The following GTF2F2 variants were observed in gnomAD, a reference collection of about 807,000 sequenced individuals.
The protein encoded by GTF2F2 is ATP-dependent helicase GTF2F2.
GTF2F2 carries 23 observed loss-of-function variants against 42.2 expected under a neutral mutation model. The ratio of observed to expected loss-of-function variants is 0.55; its 90% CI spans 0.39 to 0.77. The LOEUF (loss-of-function observed/expected upper bound fraction) is 0.77, where lower values mean the gene tolerates loss of function less well. Ranked by LOEUF, GTF2F2 falls within the 30% of genes least tolerant of loss-of-function variation. The probability of loss-of-function intolerance (pLI) is 0.00; values close to 1 mark genes in which losing one functional copy is unlikely to be tolerated. For synonymous variants in GTF2F2, 105 were observed against 100.8 expected, an observed-to-expected ratio of 1.04 and a Z score of -0.25; for missense variants, 261 against 287.2, an observed-to-expected ratio of 0.91 and a Z score of 0.66.
chr13:45,262,274 T>C (rs1479425805), intron 6 of GTF2F2, among the ~76,000 whole-genome samples: 1 of 152,122 alleles, frequency 6.6e-6, no homozygotes, highest in Non-Finnish European at 1.5e-5. Context: ...CTTGGGAGGC[T>C]GAGGCAGGAG....
In GTF2F2 at chr13:45,190,017, T is replaced by C. The variant is rs187497344; in HGVS notation, c.305-17407T>C. 1.7e-3 allele frequency among the ~76,000 whole-genome samples: 260 copies of C among 152,180 alleles called. 1 individual carries two copies. The highest frequency in any genetic ancestry group is 5.9e-3 in the African/African-American group (247 of 41,520). The stretch of plus-strand genomic sequence containing the variant: ...CCAAAATAGACAAATGGGATCTAAT[T>C]AAAGAGCTTCTGCACAGCAAAAGAA... On this transcript the variant is annotated intron_variant, in intron 4 of 7. Coordinates refer to ENST00000340473, the MANE Select transcript of GTF2F2 (RefSeq NM_004128.3).
intron 4 of GTF2F2, among the ~76,000 whole-genome samples, chr13:45,191,691 G>A (rs1872664607): frequency 6.6e-6 from 1 of 152,060 alleles, no homozygotes; most frequent in Non-Finnish European, 1.5e-5. Flanking sequence ...AGTTACAAGG[G>A]TGGTCAGTCT....
intron 4 of GTF2F2, among the ~76,000 whole-genome samples, chr13:45,168,782 TC>T (rs1347345234): frequency 1.4e-5 from 1 of 73,174 alleles, no homozygotes; most frequent in African/African-American, 1.4e-4. Context: ...CTGGCTGGCT[TC>T]CTTCCTTCCT....
chr13:45,266,081 C>T (rs1876548770), intron 6 of GTF2F2, among the ~76,000 whole-genome samples: 1 of 152,154 alleles, frequency 6.6e-6, no homozygotes, highest in Non-Finnish European at 1.5e-5. Context: ...AGGATGGTAA[C>T]AGTAGGAGGG....
intron 6 of GTF2F2, among the ~76,000 whole-genome samples, chr13:45,255,239 A>G (rs1428227156): frequency 1.3e-5 from 2 of 151,854 alleles, no homozygotes; most frequent in Non-Finnish European, 2.9e-5. Flanking sequence ...GATAGCATCT[A>G]CCAAACTACT....
Position 45,267,670 on chromosome 13 carries a change from C to G in GTF2F2, c.630+294C>G, listed in dbSNP as rs559853782. On this transcript the variant is annotated intron_variant, in intron 7 of 7. Coordinates refer to ENST00000340473, the MANE Select transcript of GTF2F2 (RefSeq NM_004128.3). ...CCATTTCTGGTCTTTATTTTGTTTC[C>G]CTATCTTCCTCTGAGAAAGTTTAAC... 2.8e-4 allele frequency among the ~76,000 whole-genome samples: 43 copies of G among 152,110 alleles called. No individual in the cohort carries two copies. In the South Asian group the frequency reaches 8.5e-3, roughly 30 times the overall value.
chr13:45,212,554 T>TC, intron 5 of GTF2F2, among the ~76,000 whole-genome samples: 1 of 134,212 alleles, frequency 7.5e-6, no homozygotes, highest in Non-Finnish European at 1.5e-5. Context: ...CTCTCTCTCT[T>TC]TCTCTCTTTC....
chr13:45,246,523 T>C (rs547752510), intron 5 of GTF2F2, among the ~76,000 whole-genome samples: 4 of 152,338 alleles, frequency 2.6e-5, no homozygotes, highest in Non-Finnish European at 5.9e-5. Context: ...TTATCTTTCC[T>C]CTGGATTGGT....
intron 4 of GTF2F2, chr13:45,194,634 C>T: frequency 7.3e-7 from 1 of 1,371,028 alleles, no homozygotes; most frequent in Non-Finnish European, 1.0e-6. Flanking sequence ...GACACTACCA[C>T]ACAAGCACGC....
At chr13:45,148,398 C>A (rs1013397147) in intron 2 of GTF2F2, among the ~76,000 whole-genome samples, 5 of 152,190 alleles carry the variant, frequency 3.3e-5, no homozygotes, top group African/African-American at 1.2e-4. Flanking sequence ...CCTCCCCTTT[C>A]TTATTTTGCC....
At chr13:45,132,239 G>A (rs894835520) in intron 1 of GTF2F2, among the ~76,000 whole-genome samples, 12 of 152,200 alleles carry the variant, frequency 7.9e-5, no homozygotes, top group Admixed American at 5.2e-4. Context: ...GCATGGCTTA[G>A]TTGGCTCCTT....
intron 6 of GTF2F2, among the ~76,000 whole-genome samples, chr13:45,253,267 C>T (rs923734688): frequency 2.6e-5 from 4 of 152,040 alleles, no homozygotes; most frequent in African/African-American, 9.7e-5. Flanking sequence ...TGCAATGTTG[C>T]TGATGTTTTA....
At chr13:45,191,690 G>T (rs1872664466) in intron 4 of GTF2F2, among the ~76,000 whole-genome samples, 1 of 151,976 alleles carries the variant, frequency 6.6e-6, no homozygotes, top group South Asian at 2.1e-4. Context: ...AAGTTACAAG[G>T]GTGGTCAGTC....
intron 7 of GTF2F2, among the ~76,000 whole-genome samples, chr13:45,278,362 C>T (rs1877116028): frequency 6.6e-6 from 1 of 152,212 alleles, no homozygotes; most frequent in African/African-American, 2.4e-5. Flanking sequence ...TCCAAGAAAG[C>T]TGTGATGTTC....
chr13:45,249,819 TG>T (rs113658266), intron 5 of GTF2F2, among the ~76,000 whole-genome samples: 1 of 152,044 alleles, frequency 6.6e-6, no homozygotes, highest in East Asian at 1.9e-4. Flanking sequence ...TAGAGGAGGA[TG>T]GGGGGCCAAG....
Position 45,252,883 on chromosome 13 carries a change from A to T in GTF2F2, c.399A>T (p.Glu133Asp). Residue 133 changes from glutamate to aspartate, a missense_variant, in exon 6 of 8, where the codon GAA becomes GAT. Transcript: ENST00000340473. The part of the protein sequence containing the change: ...NYMRLKRLQI[E>D]ESSKPVRLSQ... ...TATTTTTTTTCAGATTGCAAATAGA[A>T]GAGTCTTCCAAACCAGTGAGGCTAT... is the stretch of plus-strand genomic sequence containing the variant. The T allele has an allele frequency of 6.8e-7, 1 of 1,471,926 alleles. No homozygotes were observed. Among genetic ancestry groups the T allele is most frequent in the Non-Finnish European group, 9.1e-7 (1 of 1,095,792 alleles). 91.2% of individuals were successfully genotyped at this position (1,471,926 alleles called of 1,614,324 possible).
At chr13:45,232,694 G>A (rs9526052) in intron 5 of GTF2F2, among the ~76,000 whole-genome samples, 52,379 of 151,984 alleles carry the variant, frequency 0.34, 11,977 homozygotes, top group African/African-American at 0.65. Flanking sequence ...TCTTTATTCT[G>A]TAATTTCTGT....
In GTF2F2 at chr13:45,158,232, T is replaced by C. The variant is rs533045300; in HGVS notation, c.304+6401T>C. 1.4e-4 allele frequency among the ~76,000 whole-genome samples: 21 copies of C among 152,312 alleles called. 1 individual carries two copies. The highest frequency in any genetic ancestry group is 4.6e-4 in the African/African-American group (19 of 41,568). ...AGCTTCCCCCATACTGTTCTTGTGG[T>C]AGTGAATAAGTCTCATGAGATCTGG... On this transcript the variant is annotated intron_variant, in intron 4 of 7. Coordinates refer to ENST00000340473, the MANE Select transcript of GTF2F2 (RefSeq NM_004128.3).
chr13:45,142,616 G>A (rs1459627038), intron 2 of GTF2F2, among the ~76,000 whole-genome samples: 2 of 152,188 alleles, frequency 1.3e-5, no homozygotes, highest in Non-Finnish European at 2.9e-5. Flanking sequence ...AATCAGTCTT[G>A]TAGAAGATCT....
Sources: gnomAD v4.1 joint callset for allele counts (sites outside exome capture counted in the v4.1 genomes callset) on GRCh38, gnomAD v4.1.1 for gene constraint, MANE v1.5 for transcripts, NCBI Gene and HGNC (gene_info 2026-07-23, HGNC 2026-07-21) for gene names.